Variants in CAPN9 observed in about 807,000 individuals in gnomAD.
CAPN9 encodes calpain-9.
In CAPN9, 81 loss-of-function variants were observed where a neutral mutation model predicts 92.8. The observed-to-expected ratio is 0.87, with a 90% confidence interval of 0.73 to 1.05. The LOEUF (loss-of-function observed/expected upper bound fraction) is 1.05. Ranked by LOEUF, CAPN9 falls within the 50% of genes least tolerant of loss-of-function variation. The pLI is 0.00. For missense variants in CAPN9, 848 were observed against 866.2 expected, an observed-to-expected ratio of 0.98 and a Z score of 0.26; for synonymous variants, 304 against 328.0, an observed-to-expected ratio of 0.93 and a Z score of 0.79.
At chr1:230,771,126 C>T (rs180846039) in intron 6 of CAPN9, among the ~76,000 whole-genome samples, 5 of 152,306 alleles carry the variant, frequency 3.3e-5, no homozygotes, top group East Asian at 3.9e-4. Flanking sequence ...TCCTCTCCCC[C>T]CTACAAGGAA....
At chr1:230,755,312 C>A (rs772890425) in intron 1 of CAPN9, 25 bp from the exon 2 acceptor site, 4 of 1,595,266 alleles carry the variant, frequency 2.5e-6, no homozygotes. Context: ...CAGGCCTCAG[C>A]CTAATAACAC....
chr1:230,753,322 A>C (rs7542539), intron 1 of CAPN9, among the ~76,000 whole-genome samples: 8,702 of 152,214 alleles, frequency 0.057, 297 homozygotes, highest in East Asian at 0.11. Flanking sequence ...TGTTCTTCAG[A>C]AATTCTCCTG....
rs1165358117 is a variant in CAPN9, at chr1:230,767,535, T to G, written c.537-6T>G. ...CTCTCTCCTCTCTCTCTTGCCACCCTTGCAGGCTAAATGGGAGCTATGAAG... is the reference window on the plus strand; with the variant it reads ...CTCTCTCCTCTCTCTCTTGCCACCCGTGCAGGCTAAATGGGAGCTATGAAG... On this transcript the variant is annotated splice_polypyrimidine_tract_variant and splice_region_variant and intron_variant, in intron 4 of 19. Transcript: ENST00000271971. 6.2e-7 allele frequency: 1 copy of G among 1,605,240 alleles called. No individual in the cohort carries two copies. The highest frequency in any genetic ancestry group is 1.3e-5 in the African/African-American group (1 of 74,218).
At chr1:230,758,841 C>T (rs1665425849) in intron 2 of CAPN9, among the ~76,000 whole-genome samples, 1 of 152,186 alleles carries the variant, frequency 6.6e-6, no homozygotes, top group African/African-American at 2.4e-5. Flanking sequence ...ACACACCAGA[C>T]ACAGCCCACA....
At chr1:230,798,848 T>C (rs953386293) in intron 19 of CAPN9, among the ~76,000 whole-genome samples, 6 of 152,060 alleles carry the variant, frequency 3.9e-5, no homozygotes. Flanking sequence ...AAATGCAGAG[T>C]GCCAGGCCCT....
chr1:230,751,656 AAAGAAAGAAAGAAAGAAAGAAAGAAAG>A, intron 1 of CAPN9, among the ~76,000 whole-genome samples: 1 of 66,264 alleles, frequency 1.5e-5, no homozygotes, highest in Non-Finnish European at 3.0e-5. Flanking sequence ...AGAAAGAAAG[AAAGAAAGAAAGAAAGAAAGAAAGAAAG>A]AAGGGTGGCT....
intron 1 of CAPN9, among the ~76,000 whole-genome samples, chr1:230,748,364 A>G (rs1405201330): frequency 6.6e-6 from 1 of 152,186 alleles, no homozygotes; most frequent in Non-Finnish European, 1.5e-5. Flanking sequence ...TGGATTAGTC[A>G]GGGCTCTACC....
At chr1:230,762,959 G>A (rs771922292) in intron 4 of CAPN9, among the ~76,000 whole-genome samples, 173 bp downstream of exon 4, 7 of 152,162 alleles carry the variant, frequency 4.6e-5, no homozygotes, top group South Asian at 2.1e-4. Context: ...TTTTCCTGTC[G>A]TAGCCTAGAT....
chr1:230,774,005 C>A (rs1666567139), intron 7 of CAPN9, among the ~76,000 whole-genome samples: 1 of 152,198 alleles, frequency 6.6e-6, no homozygotes, highest in South Asian at 2.1e-4. Flanking sequence ...CCTACCTGAG[C>A]CCTCTTATCT....
At chr1:230,769,673 CT>C (rs201681431) in intron 6 of CAPN9, among the ~76,000 whole-genome samples, 5 of 126,522 alleles carry the variant, frequency 4.0e-5, no homozygotes, top group Admixed American at 7.8e-5. Context: ...ATCTATCTAT[CT>C]ATCTATCTAC....
Position 230,772,084 on chromosome 1 carries a change from G to T in CAPN9, c.860G>T (p.Gly287Val). The T allele has an allele frequency of 1.2e-6, 2 of 1,614,216 alleles. No homozygotes were observed. The highest frequency in any genetic ancestry group is 8.5e-7 in the Non-Finnish European group (1 of 1,180,010). Residue 287 changes from glycine to valine, a missense_variant, in exon 7 of 20, where the codon GGG becomes GTG. Coordinates refer to ENST00000271971, the MANE Select transcript of CAPN9 (RefSeq NM_006615.3). ...RNPWGQVEWNGSWSDSSPEWR... is the reference protein window; with the variant it reads ...RNPWGQVEWNVSWSDSSPEWR... ...CCTTGGGGCCAGGTTGAGTGGAACGGGTCGTGGAGCGACAGGTCAGTCACC... is the reference window on the plus strand; with the variant it reads ...CCTTGGGGCCAGGTTGAGTGGAACGTGTCGTGGAGCGACAGGTCAGTCACC...
chr1:230,777,875 G>A (rs990058828), intron 8 of CAPN9, among the ~76,000 whole-genome samples: 4 of 152,014 alleles, frequency 2.6e-5, no homozygotes, highest in Admixed American at 2.0e-4. Flanking sequence ...TAGCACTGAG[G>A]TGTCCCAGGA....
chr1:230,794,436 G>T (rs1668203887), intron 17 of CAPN9, among the ~76,000 whole-genome samples: 1 of 152,016 alleles, frequency 6.6e-6, no homozygotes, highest in African/African-American at 2.4e-5. Context: ...AGCCGAGATT[G>T]CACCACTGCA....
At chr1:230,792,600 G>A (rs1668075115) in intron 16 of CAPN9, 106 bp downstream of exon 16, 1 of 935,394 alleles carries the variant, frequency 1.1e-6, no homozygotes, top group African/African-American at 1.6e-5. Context: ...TAGAGGAATT[G>A]TATTCGGACA....
intron 5 of CAPN9, among the ~76,000 whole-genome samples, chr1:230,768,698 C>T (rs1304530000): frequency 6.6e-6 from 1 of 152,042 alleles, no homozygotes; most frequent in African/African-American, 2.4e-5. Flanking sequence ...ACTGCTATGA[C>T]ACTATGTATT....
rs1664511056 is a variant in CAPN9, at chr1:230,747,705, CA to C, written c.210del (p.Glu72LysfsTer3). ...CAGATCCCCTTTGTGTGGAAACGAC[CA>C]GGGGTGAGTGGGGCGAGCAGGGGAA... ...RPQIPFVWKR[P>X]GEIVKNPEFI... On this transcript the variant is annotated frameshift_variant, in exon 1 of 20. Coordinates refer to ENST00000271971, the MANE Select transcript of CAPN9 (RefSeq NM_006615.3). LOFTEE classifies it high-confidence loss of function. 1 of 1,613,852 alleles carries C rather than the reference CA, an allele frequency of 6.2e-7. No individual in the cohort carries two copies. The highest frequency in any genetic ancestry group is 8.5e-7 in the Non-Finnish European group (1 of 1,179,786).
chr1:230,766,650 C>G (rs1046571760), intron 4 of CAPN9, among the ~76,000 whole-genome samples: 3 of 152,178 alleles, frequency 2.0e-5, no homozygotes, highest in African/African-American at 7.2e-5. Context: ...TAGGTAAAAA[C>G]TAAAGAAGCC....
chr1:230,748,044 C>T (rs1664539207), intron 1 of CAPN9, among the ~76,000 whole-genome samples: 1 of 152,140 alleles, frequency 6.6e-6, no homozygotes, highest in Non-Finnish European at 1.5e-5. Flanking sequence ...GGACAGGCCC[C>T]CACCCTGTGT....
At position 230,774,961 on chromosome 1, in the gene CAPN9, G is replaced by A. The variant is rs549712152; in HGVS notation, c.953+330G>A. On this transcript the variant is annotated intron_variant, in intron 8 of 19. Coordinates refer to ENST00000271971, the MANE Select transcript of CAPN9 (RefSeq NM_006615.3). ...TCACCGTGTTGGCCAGGCTAGTCTC[G>A]AACCCCTGACCTCAGAGAAACCACC... Among the ~76,000 whole-genome samples, 14 of 151,842 alleles carry A rather than the reference G, an allele frequency of 9.2e-5. No individual in the cohort carries two copies. The South Asian group carries it at 2.1e-3, about 23-fold the overall frequency.
Sources: gnomAD v4.1 joint callset for allele counts (sites outside exome capture counted in the v4.1 genomes callset) on GRCh38, gnomAD v4.1.1 for gene constraint, MANE v1.5 for transcripts, NCBI Gene and HGNC (gene_info 2026-07-23, HGNC 2026-07-21) for gene names.